Variants in ACSM1 observed in about 807,000 individuals in gnomAD.
The protein encoded by ACSM1 is acyl-coenzyme A synthetase ACSM1, mitochondrial.
In ACSM1, 79 loss-of-function variants were observed where a neutral mutation model predicts 75.8. That is an observed-to-expected ratio of 1.04 (90% CI 0.87 to 1.26). ACSM1 has a LOEUF of 1.26. Ranked by LOEUF, ACSM1 falls within the 50% of genes most tolerant of loss-of-function variation. The pLI is 0.00. For synonymous variants in ACSM1, 279 were observed against 265.8 expected, an observed-to-expected ratio of 1.05 and a Z score of -0.48; for missense variants, 676 against 720.1, an observed-to-expected ratio of 0.94 and a Z score of 0.70.
At chr16:20,650,533 CTG>C (rs1476027754) in intron 7 of ACSM1, among the ~76,000 whole-genome samples, 2 of 152,122 alleles carry the variant, frequency 1.3e-5, no homozygotes, top group Non-Finnish European at 2.9e-5. Context: ...TCATAGACCT[CTG>C]GAGAGAGAAA....
intron 7 of ACSM1, among the ~76,000 whole-genome samples, chr16:20,644,660 CAT>C (rs1281310206): frequency 6.6e-6 from 1 of 152,044 alleles, no homozygotes; most frequent in Non-Finnish European, 1.5e-5. Context: ...TCTGCTCAAA[CAT>C]GTGAGCTGTT....
chr16:20,666,005 A>T (rs1353930650), intron 6 of ACSM1, among the ~76,000 whole-genome samples: 1 of 152,134 alleles, frequency 6.6e-6, no homozygotes, highest in Admixed American at 6.6e-5. Flanking sequence ...GCCATCTATG[A>T]CAAGCCCACA....
chr16:20,655,856 T>C (rs575429054), intron 7 of ACSM1, among the ~76,000 whole-genome samples: 1 of 151,926 alleles, frequency 6.6e-6, no homozygotes, highest in Non-Finnish European at 1.5e-5. Context: ...AGACATGGAG[T>C]TTCATCATAT....
At chr16:20,676,833 T>C (rs912702677) in intron 4 of ACSM1, among the ~76,000 whole-genome samples, 1 of 151,166 alleles carries the variant, frequency 6.6e-6, no homozygotes. Flanking sequence ...AAAAAATAAA[T>C]AAATAAAATA....
At chr16:20,666,102 A>C (rs1315786547) in intron 6 of ACSM1, among the ~76,000 whole-genome samples, 1 of 152,138 alleles carries the variant, frequency 6.6e-6, no homozygotes, top group African/African-American at 2.4e-5. Context: ...CACCACTCCT[A>C]TTCAACATAG....
Position 20,648,401 on chromosome 16 carries a change from G to A in ACSM1, c.993-7817C>T, listed in dbSNP as rs955798659. Among the ~76,000 whole-genome samples the A allele has an allele frequency of 1.3e-5, 2 of 152,078 alleles. No individual in the cohort carries two copies. Among genetic ancestry groups the A allele is most frequent in the African/African-American group, 4.8e-5 (2 of 41,406 alleles). On this transcript the variant is annotated intron_variant, in intron 7 of 13. Transcript: ENST00000520010. The surrounding 1 kb of genome is among the most constrained non-coding windows in gnomAD (Gnocchi z 4.2). Reference sequence around the variant, plus strand: ...TTTACTGTAGCCTCAGGATGGTAATGTAAACCAAAAATGAAATTTTAAGCA... The same window carrying A: ...TTTACTGTAGCCTCAGGATGGTAATATAAACCAAAAATGAAATTTTAAGCA...
In ACSM1 at chr16:20,685,223, A is replaced by G. The variant is rs2079525584; in HGVS notation, c.373T>C (p.Trp125Arg). The change falls in exon 3 of 14, where the codon TGG becomes CGG. Residue 125 changes from tryptophan (W) to arginine (R), a missense_variant. Coordinates refer to ENST00000520010, the MANE Select transcript of ACSM1 (RefSeq NM_001318890.3). ...CGCATGCAGCCCACAGCCACCAGCC[A>G]CCACTCAGGAACTCGAGGCAGCATC... is the stretch of plus-strand genomic sequence containing the variant. ...ALMLPRVPEW[W>R]LVAVGCMRTG... 6.2e-7 allele frequency: 1 copy of G among 1,614,042 alleles called. No homozygotes were observed. The highest frequency in any genetic ancestry group is 1.3e-5 in the African/African-American group (1 of 74,918).
chr16:20,685,518 T>TC, intron 2 of ACSM1, 115 bp from the exon 3 acceptor site: 1 of 998,190 alleles, frequency 1.0e-6, no homozygotes, highest in East Asian at 2.4e-5. Context: ...AGGACTGAGA[T>TC]CCCATTTTAA....
intron 2 of ACSM1, among the ~76,000 whole-genome samples, chr16:20,685,687 G>A (rs1211055148): frequency 3.3e-5 from 5 of 151,868 alleles, no homozygotes; most frequent in Non-Finnish European, 5.9e-5. Context: ...GGGCATGGTG[G>A]TGCATGCCTG....
chr16:20,642,712 T>C (rs925519026), intron 7 of ACSM1, among the ~76,000 whole-genome samples: 6 of 152,210 alleles, frequency 3.9e-5, no homozygotes, highest in African/African-American at 1.4e-4. Flanking sequence ...ACTGGGTCTA[T>C]GACAACGTAA....
At chr16:20,639,253 C>T (rs759814510) in intron 8 of ACSM1, among the ~76,000 whole-genome samples, 19 of 152,208 alleles carry the variant, frequency 1.2e-4, no homozygotes, top group Non-Finnish European at 2.6e-4. Context: ...GCCCCACTCA[C>T]CTGGCAGCTC....
chr16:20,686,384 C>T (rs546031922), intron 2 of ACSM1, among the ~76,000 whole-genome samples: 15 of 152,092 alleles, frequency 9.9e-5, no homozygotes, highest in Middle Eastern at 3.4e-3. Flanking sequence ...CTGCAGAAAA[C>T]CAAACAAATG....
chr16:20,691,658 C>T (rs2079653236), intron 1 of ACSM1, among the ~76,000 whole-genome samples: 1 of 151,942 alleles, frequency 6.6e-6, no homozygotes, highest in African/African-American at 2.4e-5. Flanking sequence ...TTTATATGAT[C>T]CCATCCCATG....
chr16:20,686,728 AG>A (rs1362636189), intron 2 of ACSM1, among the ~76,000 whole-genome samples: 1 of 152,010 alleles, frequency 6.6e-6, no homozygotes, highest in Non-Finnish European at 1.5e-5. Flanking sequence ...GCAGGAGGAT[AG>A]CCTGAGCCCA....
intron 5 of ACSM1, 142 bp downstream of exon 5, chr16:20,671,389 T>C (rs1001216294): frequency 2.3e-5 from 19 of 840,592 alleles, no homozygotes; most frequent in African/African-American, 1.8e-4. Context: ...CAAAAGAGAG[T>C]GGAAGGGAAA....
intron 7 of ACSM1, among the ~76,000 whole-genome samples, chr16:20,655,548 A>G (rs1051310163): frequency 3.9e-5 from 6 of 152,336 alleles, no homozygotes; most frequent in Admixed American, 3.3e-4. Context: ...ATAACTAAAA[A>G]TAAATCATGA....
chr16:20,651,938 G>T (rs966919747), intron 7 of ACSM1, among the ~76,000 whole-genome samples: 25 of 152,008 alleles, frequency 1.6e-4, no homozygotes, highest in Admixed American at 1.6e-3. Flanking sequence ...TATAAAATTT[G>T]CCATAAGTGT....
At chr16:20,663,825 T>G (rs886253143) in intron 6 of ACSM1, among the ~76,000 whole-genome samples, 2 of 152,210 alleles carry the variant, frequency 1.3e-5, no homozygotes, top group African/African-American at 4.8e-5. Flanking sequence ...CCCTTCCGTG[T>G]ATTTCTTTTT....
At chr16:20,664,356 T>G (rs1003962406) in intron 6 of ACSM1, among the ~76,000 whole-genome samples, 4 of 152,004 alleles carry the variant, frequency 2.6e-5, no homozygotes, top group African/African-American at 9.7e-5. Flanking sequence ...GAGTCCTTAT[T>G]CTTATATCAG....
Sources: allele counts gnomAD v4.1 joint callset (sites outside exome capture counted in the v4.1 genomes callset), GRCh38; gene constraint gnomAD v4.1.1; non-coding constraint Gnocchi (gnomAD v3.1); transcripts MANE v1.5; gene names NCBI Gene and HGNC (gene_info 2026-07-23, HGNC 2026-07-21).